Variants in AKAP6 observed in about 807,000 individuals in gnomAD.
AKAP6 encodes A-kinase anchor protein 6.
In AKAP6, 58 loss-of-function variants were observed where a neutral mutation model predicts 188.5. The observed-to-expected ratio is 0.31, with a 90% confidence interval of 0.25 to 0.38. The LOEUF (loss-of-function observed/expected upper bound fraction) is 0.38, where lower values mean the gene tolerates loss of function less well. Among genes scored for constraint, AKAP6 ranks in the 10% least tolerant of loss-of-function variants. AKAP6 has a pLI of 1.00. For missense variants in AKAP6, 2,710 were observed against 2,740.0 expected, an observed-to-expected ratio of 0.99 and a Z score of 0.24; for synonymous variants, 989 against 998.6, an observed-to-expected ratio of 0.99 and a Z score of 0.18.
chr14:32,734,031 AAAG>A (rs1261723988), intron 10 of AKAP6: 1 of 152,168 alleles, frequency 6.6e-6, no homozygotes, highest in Non-Finnish European at 1.5e-5. Context: ...TATTTTGAAA[AAAG>A]AAATAATATT....
chr14:32,672,024 T>C (rs1239009816), intron 7 of AKAP6, among the ~76,000 whole-genome samples: 2 of 152,188 alleles, frequency 1.3e-5, no homozygotes, highest in African/African-American at 4.8e-5. Flanking sequence ...AAATGTGTTA[T>C]ACACTATATT....
chr14:32,422,853 T>G (rs2138671009), intron 1 of AKAP6, among the ~76,000 whole-genome samples: 1 of 152,334 alleles, frequency 6.6e-6, no homozygotes, highest in East Asian at 1.9e-4. Context: ...CCCCTCCATC[T>G]CTACTTCCAG....
intron 1 of AKAP6, among the ~76,000 whole-genome samples, chr14:32,380,473 G>T (rs950265134): frequency 6.6e-6 from 1 of 152,200 alleles, no homozygotes; most frequent in Non-Finnish European, 1.5e-5. Flanking sequence ...AATGTTTGGT[G>T]AGTGACTGAA....
At chr14:32,384,045 G>A (rs780952068) in intron 1 of AKAP6, among the ~76,000 whole-genome samples, 1 of 152,172 alleles carries the variant, frequency 6.6e-6, no homozygotes, top group Non-Finnish European at 1.5e-5. Flanking sequence ...CGCACAAACA[G>A]CCACCAGTAA....
rs1879545729 is a variant in AKAP6 at position 32,484,419 on chromosome 14, C to T, written c.324+50602C>T. 2 of 158,418 alleles carry T rather than the reference C, an allele frequency of 1.3e-5. 1 individual carries two copies. Among genetic ancestry groups the T allele is most frequent in the African/African-American group, 2.1e-4 (2 of 9,512 alleles). 9.8% of individuals were successfully genotyped at this position (158,418 alleles called of 1,614,324 possible). A position where few individuals can be genotyped will look rare whatever the true frequency, so the allele number is the denominator to read the frequency against. On this transcript the variant is annotated intron_variant, in intron 2 of 13. Coordinates refer to ENST00000280979, the MANE Select transcript of AKAP6 (RefSeq NM_004274.5). ...TAGTTCCCTGCTAAGGGAGGGTAGA[C>T]TGTCCAACCTGTTCCGGCGCCGGCT...
At chr14:32,539,564 G>T (rs541740223) in intron 3 of AKAP6, among the ~76,000 whole-genome samples, 6 of 152,172 alleles carry the variant, frequency 3.9e-5, no homozygotes, top group African/African-American at 1.4e-4. Context: ...TGCTTTAGAT[G>T]TGGAAGAGGG....
chr14:32,330,828 C>T (rs1028606826), intron 1 of AKAP6, among the ~76,000 whole-genome samples: 10 of 147,402 alleles, frequency 6.8e-5, no homozygotes, highest in Non-Finnish European at 1.5e-4. Flanking sequence ...TACCACATCA[C>T]GCACATGCTT....
chr14:32,747,489 T>A (rs1375738058), intron 11 of AKAP6, among the ~76,000 whole-genome samples: 5 of 152,206 alleles, frequency 3.3e-5, no homozygotes, highest in African/African-American at 1.2e-4. Context: ...TTAAAAAAAC[T>A]ATTATATTAA....
intron 5 of AKAP6, among the ~76,000 whole-genome samples, chr14:32,591,670 G>A (rs567550120): frequency 2.9e-4 from 42 of 144,114 alleles, no homozygotes; most frequent in Admixed American, 1.8e-3. Flanking sequence ...TTTTTCAAAA[G>A]GAAAACAAAG....
intron 9 of AKAP6, among the ~76,000 whole-genome samples, chr14:32,702,257 A>T (rs1225138197): frequency 6.6e-6 from 1 of 152,220 alleles, no homozygotes; most frequent in Non-Finnish European, 1.5e-5. Flanking sequence ...ATCAGAATGG[A>T]AAGATCTAGA....
At chr14:32,483,630 A>C (rs979434772) in intron 2 of AKAP6, among the ~76,000 whole-genome samples, 2 of 152,080 alleles carry the variant, frequency 1.3e-5, no homozygotes, top group Admixed American at 6.6e-5. Flanking sequence ...GATTACAGGC[A>C]TATGCCACCA....
At chr14:32,710,065 T>C (rs747159189) in intron 9 of AKAP6, among the ~76,000 whole-genome samples, 4 of 152,056 alleles carry the variant, frequency 2.6e-5, no homozygotes, top group Non-Finnish European at 4.4e-5. Context: ...CAACTATCTC[T>C]TATTAACAGT....
intron 11 of AKAP6, among the ~76,000 whole-genome samples, chr14:32,764,406 C>G (rs895940307): frequency 6.6e-6 from 1 of 152,152 alleles, no homozygotes; most frequent in Admixed American, 6.5e-5. Context: ...CAATCTCCTT[C>G]CCTTTGCAGA....
chr14:32,496,228 A>C (rs2138964758), intron 2 of AKAP6, among the ~76,000 whole-genome samples: 1 of 152,318 alleles, frequency 6.6e-6, no homozygotes, highest in Non-Finnish European at 1.5e-5. Context: ...ACTTTTAAGG[A>C]ATCTATGTAT....
At chr14:32,641,980 A>C (rs1447675999) in intron 7 of AKAP6, among the ~76,000 whole-genome samples, 2 of 152,216 alleles carry the variant, frequency 1.3e-5, no homozygotes, top group Non-Finnish European at 2.9e-5. Context: ...AAGGAAAAAG[A>C]CTGTTAACAT....
At chr14:32,609,742 C>T (rs552498386) in intron 7 of AKAP6, among the ~76,000 whole-genome samples, 1 of 152,062 alleles carries the variant, frequency 6.6e-6, no homozygotes, top group African/African-American at 2.4e-5. Context: ...AAGAACGAAG[C>T]ATGTGTCCAG....
chr14:32,786,300 T>TTTTTTTTTTG (rs2033408604), intron 12 of AKAP6, among the ~76,000 whole-genome samples: 2 of 52,300 alleles, frequency 3.8e-5, no homozygotes, highest in African/African-American at 1.7e-4. Context: ...ACCTTTATCT[T>TTTTTTTTTTG]TTTTTTTTTT....
At chr14:32,629,094 C>A (rs945855033) in intron 7 of AKAP6, among the ~76,000 whole-genome samples, 1 of 152,022 alleles carries the variant, frequency 6.6e-6, no homozygotes, top group Non-Finnish European at 1.5e-5. Flanking sequence ...CATAATTTTA[C>A]CTCTGTGAGC....
At chr14:32,677,589 A>G (rs1889487223) in intron 7 of AKAP6, among the ~76,000 whole-genome samples, 1 of 152,230 alleles carries the variant, frequency 6.6e-6, no homozygotes, top group African/African-American at 2.4e-5. Context: ...TGAAAGCCAC[A>G]GGAATCACAA....
Sources: gnomAD v4.1 joint callset for allele counts (sites outside exome capture counted in the v4.1 genomes callset) on GRCh38, gnomAD v4.1.1 for gene constraint, MANE v1.5 for transcripts, NCBI Gene and HGNC (gene_info 2026-07-23, HGNC 2026-07-21) for gene names.